The following SNRPC variants were observed in gnomAD, a reference collection of about 807,000 sequenced individuals.
The protein encoded by SNRPC is U1 small nuclear ribonucleoprotein C.
SNRPC carries 5 observed loss-of-function variants against 20.0 expected under a neutral mutation model. That is an observed-to-expected ratio of 0.25 (90% CI 0.13 to 0.53). SNRPC has a LOEUF of 0.53. Among genes scored for constraint, SNRPC ranks in the 20% least tolerant of loss-of-function variants. The pLI is 0.96. For synonymous variants in SNRPC, 61 were observed against 58.7 expected, an observed-to-expected ratio of 1.04 and a Z score of -0.18; for missense variants, 112 against 224.1, an observed-to-expected ratio of 0.50 and a Z score of 3.19.
chr6:34,767,957 T>C lies in SNRPC; in HGVS notation c.210T>C (p.Pro70=), dbSNP rs752713306. The C allele has an allele frequency of 3.7e-6, 6 of 1,610,664 alleles. No homozygotes were observed. The Admixed American group carries it at 8.4e-5, about 23-fold the overall frequency. The stretch of plus-strand genomic sequence containing the variant: ...TACCTCCTACTCCATTCTCTGCTCC[T>C]CCTCCTGCAGGGGCGATGATACCAC... ...GKIPPTPFSA[P]PPAGAMIPPP... is the part of the protein sequence containing the mutation. The change falls in exon 4 of 6, where the codon CCT becomes CCC. Residue 70 remains proline, a synonymous_variant. Coordinates refer to ENST00000244520, the MANE Select transcript of SNRPC (RefSeq NM_003093.3).
intron 3 of SNRPC, among the ~76,000 whole-genome samples, chr6:34,766,171 A>C (rs1764610876): frequency 6.6e-6 from 1 of 152,182 alleles, no homozygotes; most frequent in African/African-American, 2.4e-5. Flanking sequence ...ATGCAGCAAA[A>C]TAATTTAGGA....
At chr6:34,764,672 A>G (rs577753043) in intron 3 of SNRPC, among the ~76,000 whole-genome samples, 2 of 152,000 alleles carry the variant, frequency 1.3e-5, no homozygotes, top group Admixed American at 6.6e-5. Flanking sequence ...CAAAAAAATA[A>G]TAATAATTAA....
intron 2 of SNRPC, among the ~76,000 whole-genome samples, chr6:34,759,105 G>A (rs1274314260): frequency 1.3e-5 from 2 of 152,062 alleles, no homozygotes; most frequent in African/African-American, 4.8e-5. Context: ...TTAAGTATTG[G>A]GAAGCTGTCA....
intron 4 of SNRPC, 67 bp downstream of exon 4, chr6:34,768,064 T>C (rs1764637323): frequency 2.1e-6 from 3 of 1,443,182 alleles, no homozygotes; most frequent in African/African-American, 1.4e-5. Flanking sequence ...GGTTAGATTA[T>C]CTCACCGTTG....
intron 2 of SNRPC, among the ~76,000 whole-genome samples, chr6:34,758,360 G>A (rs989889048): frequency 6.6e-6 from 1 of 151,794 alleles, no homozygotes; most frequent in African/African-American, 2.4e-5. Context: ...TTGTTGCCCT[G>A]GCTGGAGTGC....
intron 5 of SNRPC, 63 bp downstream of exon 5, chr6:34,770,458 C>T: frequency 9.5e-7 from 1 of 1,052,014 alleles, no homozygotes; most frequent in Non-Finnish European, 1.5e-6. Flanking sequence ...GCATAGCTGA[C>T]ACTTAATGGA....
chr6:34,763,915 C>T (rs1434885059), intron 3 of SNRPC, among the ~76,000 whole-genome samples: 51 of 149,032 alleles, frequency 3.4e-4, no homozygotes, highest in East Asian at 6.3e-4. Flanking sequence ...CGGGATTTCA[C>T]CATCTTGGCC....
At chr6:34,757,705 C>A (rs1764472301) in intron 1 of SNRPC, 154 bp downstream of exon 1, 2 of 1,394,394 alleles carry the variant, frequency 1.4e-6, no homozygotes, top group Non-Finnish European at 1.0e-6. Flanking sequence ...GCGCTAGACA[C>A]CCCATTTTAG....
chr6:34,757,722 G>A (rs1764472483), intron 1 of SNRPC, 171 bp downstream of exon 1: 1 of 1,471,342 alleles, frequency 6.8e-7, no homozygotes, highest in African/African-American at 1.4e-5. Context: ...TTAGAGTGCA[G>A]ATGGATCCCG....
At chr6:34,769,948 C>T (rs868719820) in intron 4 of SNRPC, among the ~76,000 whole-genome samples, 10 of 152,126 alleles carry the variant, frequency 6.6e-5, no homozygotes, top group East Asian at 1.9e-4. Context: ...TGTTGCTGGG[C>T]GCAGTGGCTC....
chr6:34,761,675 C>T (rs563930774), intron 2 of SNRPC, among the ~76,000 whole-genome samples: 6 of 151,442 alleles, frequency 4.0e-5, no homozygotes, highest in Admixed American at 2.0e-4. Flanking sequence ...TGCCCGCCAC[C>T]ATACTTTTTT....
intron 3 of SNRPC, among the ~76,000 whole-genome samples, chr6:34,765,457 G>A (rs902611124): frequency 6.6e-6 from 1 of 151,552 alleles, no homozygotes; most frequent in African/African-American, 2.4e-5. Context: ...TATTTATTGA[G>A]ATTGAGTCTT....
rs749967315 is a variant in SNRPC, at chr6:34,757,519, A to C, written c.-25A>C. 6.2e-7 allele frequency: 1 copy of C among 1,612,612 alleles called. No homozygotes were observed. Among genetic ancestry groups the C allele is most frequent in the Non-Finnish European group, 8.5e-7 (1 of 1,178,674 alleles). On this transcript the variant is annotated 5_prime_UTR_variant, in exon 1 of 6. Transcript: ENST00000244520. ...GTCATTTCCGGGCGTCACGTAACGGAGTGGCCAACGGCCTGCAGAGCAACA... is the reference window on the plus strand; with the variant it reads ...GTCATTTCCGGGCGTCACGTAACGGCGTGGCCAACGGCCTGCAGAGCAACA...
At chr6:34,762,324 A>C (rs1237862729) in intron 2 of SNRPC, among the ~76,000 whole-genome samples, 1 of 151,968 alleles carries the variant, frequency 6.6e-6, no homozygotes, top group African/African-American at 2.4e-5. Context: ...AAAGATAGAT[A>C]GAGATAAATG....
At chr6:34,767,875 CTT>C (rs371572218) in intron 3 of SNRPC, 31 bp from the exon 4 acceptor site, 11,982 of 1,313,442 alleles carry the variant, frequency 9.1e-3, no homozygotes, top group South Asian at 0.017. Context: ...TCTTATTCAT[CTT>C]TTTTTTTTTT....
At chr6:34,758,447 C>G (rs982148180) in intron 2 of SNRPC, among the ~76,000 whole-genome samples, 1 of 152,088 alleles carries the variant, frequency 6.6e-6, no homozygotes, top group African/African-American at 2.4e-5. Context: ...TCCCGAGTAG[C>G]TGGGATTACA....
In SNRPC at chr6:34,760,293, A is replaced by G. The variant is rs143875996; in HGVS notation, c.52-2302A>G. On this transcript the variant is annotated intron_variant, in intron 2 of 5. Coordinates refer to ENST00000244520, the MANE Select transcript of SNRPC (RefSeq NM_003093.3). ...ACACCTGGCTAGTTTTCTTATTTTT[A>G]GTACAGACGGGGTTTCACCATGAAA... is the stretch of plus-strand genomic sequence containing the variant. Among the ~76,000 whole-genome samples, 142 of 151,824 alleles carry G rather than the reference A, an allele frequency of 9.4e-4. 2 individuals carry two copies. The highest frequency in any genetic ancestry group is 7.3e-3 in the Admixed American group (111 of 15,202).
At chr6:34,772,248 A>G (rs910105175) in intron 5 of SNRPC, among the ~76,000 whole-genome samples, 2 of 152,228 alleles carry the variant, frequency 1.3e-5, no homozygotes, top group Non-Finnish European at 2.9e-5. Flanking sequence ...TCCATAATAA[A>G]AAGTTTAAAA....
In SNRPC at chr6:34,758,552, C is replaced by A. The variant is rs567120435; in HGVS notation, c.51+598C>A. Among the ~76,000 whole-genome samples the A allele has an allele frequency of 2.6e-5, 4 of 152,122 alleles. No homozygotes were observed. In the East Asian group the frequency reaches 7.8e-4, roughly 29 times the overall value. ...CTGGTCTCGAACTCCCGACCTCAGG[C>A]GATCTGTCCTCCTCGGCCTCCCAAA... On this transcript the variant is annotated intron_variant, in intron 2 of 5. Coordinates refer to ENST00000244520, the MANE Select transcript of SNRPC (RefSeq NM_003093.3).
Sources: gnomAD v4.1 joint callset for allele counts (sites outside exome capture counted in the v4.1 genomes callset) on GRCh38, gnomAD v4.1.1 for gene constraint, MANE v1.5 for transcripts, NCBI Gene and HGNC (gene_info 2026-07-23, HGNC 2026-07-21) for gene names.